Variants in ARHGEF17 observed in about 807,000 individuals in gnomAD.
ARHGEF17 encodes 164 kDa Rho-specific guanine-nucleotide exchange factor.
Under a neutral mutation model 174.0 loss-of-function variants are expected in ARHGEF17, and 80 were observed. The ratio of observed to expected loss-of-function variants is 0.46; its 90% CI spans 0.38 to 0.55. The LOEUF is 0.55. Ranked by LOEUF, ARHGEF17 falls within the 20% of genes least tolerant of loss-of-function variation. ARHGEF17 has a pLI of 0.00. For missense variants in ARHGEF17, 2,886 were observed against 2,839.7 expected (o/e 1.02, Z -0.37); for synonymous variants, 1,311 against 1,189.1 (o/e 1.10, Z -2.11).
In ARHGEF17 at chr11:73,310,832, A is replaced by G. The variant is rs760446337; in HGVS notation, c.2194A>G (p.Arg732Gly). 6.2e-7 allele frequency: 1 copy of G among 1,611,918 alleles called. No individual in the cohort carries two copies. The change falls in exon 1 of 21, where the codon AGG becomes GGG. Residue 732 changes from arginine to glycine, a missense_variant. Physicochemically the swap from Arg to Gly is moderately radical, Grantham distance 125. Transcript: ENST00000263674. ...LSNGEAGEAY[R>G]SLSDPIPQRH... ...CAATGGGGAGGCAGGGGAGGCCTAC[A>G]GGTCCCTGAGTGACCCAATTCCTCA... is the stretch of plus-strand genomic sequence containing the variant.
At position 73,310,994 on chromosome 11, in the gene ARHGEF17, T is replaced by G; in HGVS notation, c.2356T>G (p.Trp786Gly). 1 of 1,614,114 alleles carries G rather than the reference T, an allele frequency of 6.2e-7. No homozygotes were observed. The highest frequency in any genetic ancestry group is 1.3e-5 in the African/African-American group (1 of 75,026). ...DEGLTSGHSD[W>G]SVGSEESKGY... The stretch of plus-strand genomic sequence containing the variant: ...GGGCTTGACCAGTGGTCACAGTGAC[T>G]GGTCTGTGGGCAGTGAAGAGAGCAA... The change falls in exon 1 of 21, where the codon TGG becomes GGG. Residue 786 changes from tryptophan to glycine, a missense_variant. Around this residue, in one of 4 missense-constraint regions of ARHGEF17, gnomAD observed 1,728 missense variants for 1,461.2 expected, o/e 1.18. Transcript: ENST00000263674.
At position 73,308,744 on chromosome 11, in the gene ARHGEF17, C is replaced by G. The variant is rs1366671028; in HGVS notation, c.106C>G (p.Pro36Ala). Reference sequence around the variant, plus strand: ...GCTGAGGGAGGAGGACACGGACACCCCCGGCTTGAGGCGACGCGCCTCGTG... The same window carrying G: ...GCTGAGGGAGGAGGACACGGACACCGCCGGCTTGAGGCGACGCGCCTCGTG... ...PGLREEDTDT[P>A]GLRRRASCRP... Residue 36 changes from proline to alanine, a missense_variant, in exon 1 of 21, where the codon CCC becomes GCC. Coordinates refer to ENST00000263674, the MANE Select transcript of ARHGEF17 (RefSeq NM_014786.4). The G allele has an allele frequency of 4.0e-6, 6 of 1,491,016 alleles. No homozygotes were observed. The African/African-American group carries it at 7.3e-5, about 18-fold the overall frequency. 92.4% of individuals were successfully genotyped at this position (1,491,016 alleles called of 1,614,324 possible).
rs1864761184 is a variant in ARHGEF17 at position 73,309,333 on chromosome 11, C to CCTA, written c.697_698insACT (p.Ser232_Ser233insTyr). ...CAGGCCGGGGCCCGGGCCTCCTGCTCCTCCTCCTCCATCGCCGCCTCCTAT... is the reference window on the plus strand; with the variant it reads ...CAGGCCGGGGCCCGGGCCTCCTGCTCCTACTCCTCCTCCATCGCCGCCTCCTAT... On this transcript the variant is annotated inframe_insertion, in exon 1 of 21. Coordinates refer to ENST00000263674, the MANE Select transcript of ARHGEF17 (RefSeq NM_014786.4). 2.5e-6 allele frequency: 4 copies of CCTA among 1,606,276 alleles called. No individual in the cohort carries two copies. The East Asian group carries it at 8.9e-5, about 36-fold the overall frequency.
In ARHGEF17 at chr11:73,364,611, G is replaced by A. The variant is rs775766041; in HGVS notation, c.5550+11G>A. On this transcript the variant is annotated intron_variant, in intron 18 of 20. Coordinates refer to ENST00000263674, the MANE Select transcript of ARHGEF17 (RefSeq NM_014786.4). ...ACGCTGCAGCTGGAGGTAGCAGGGG[G>A]TGGGGGAATGGAATTGGTGCCATGG... is the stretch of plus-strand genomic sequence containing the variant. 1.9e-6 allele frequency: 3 copies of A among 1,601,718 alleles called. No individual in the cohort carries two copies. The highest frequency in any genetic ancestry group is 2.2e-5 in the East Asian group (1 of 44,810).
At chr11:73,325,799 A>C (rs778432419) in intron 1 of ARHGEF17, among the ~76,000 whole-genome samples, 2 of 152,222 alleles carry the variant, frequency 1.3e-5, no homozygotes, top group Non-Finnish European at 2.9e-5. Context: ...GTGTCCAGCA[A>C]GGGGCGGGGC....
At chr11:73,329,340 TATATATATATATATATATATATATATA>T in intron 1 of ARHGEF17, among the ~76,000 whole-genome samples, 1 of 7,302 alleles carries the variant, frequency 1.4e-4, no homozygotes, top group South Asian at 2.6e-3. Flanking sequence ...TATATATATA[TATATATATATATATATATATATATATA>T]TATATATTTT....
At chr11:73,362,410 A>C (rs1452987506) in intron 13 of ARHGEF17, 23 bp from the exon 14 acceptor site, 1 of 1,522,558 alleles carries the variant, frequency 6.6e-7, no homozygotes, top group African/African-American at 1.4e-5. Context: ...AGCTGCTGTC[A>C]TCCTCACTCC....
In ARHGEF17 at chr11:73,362,466, G is replaced by A. The variant is rs965957614; in HGVS notation, c.4728G>A (p.Glu1576=). 1 of 1,588,226 alleles carries A rather than the reference G, an allele frequency of 6.3e-7. No homozygotes were observed. Among genetic ancestry groups the A allele is most frequent in the African/African-American group, 1.3e-5 (1 of 74,518 alleles). Residue 1576 remains glutamate (E), a synonymous_variant, in exon 14 of 21, where the codon GAG becomes GAA. Coordinates refer to ENST00000263674, the MANE Select transcript of ARHGEF17 (RefSeq NM_014786.4). The part of the protein sequence containing the change: ...EPPPSLRSPP[E]TAPEPAGPEL... The stretch of plus-strand genomic sequence containing the variant: ...CTCCGTCGCTGAGGAGTCCTCCAGA[G>A]ACGGCACCGGAGCCCGCCGGGCCGG...
At chr11:73,318,200 C>T (rs1031787553) in intron 1 of ARHGEF17, among the ~76,000 whole-genome samples, 2 of 152,100 alleles carry the variant, frequency 1.3e-5, no homozygotes, top group East Asian at 1.9e-4. Context: ...TGGGTCTACC[C>T]GCTACGTGCT....
Position 73,365,679 on chromosome 11 carries a change from C to G in ARHGEF17, c.5727C>G (p.Gly1909=). 6.2e-7 allele frequency: 1 copy of G among 1,612,012 alleles called. No individual in the cohort carries two copies. The highest frequency in any genetic ancestry group is 8.5e-7 in the Non-Finnish European group (1 of 1,178,702). The change falls in exon 20 of 21, where the codon GGC becomes GGG. Residue 1909 remains glycine, a splice_region_variant and synonymous_variant. Transcript: ENST00000263674. The surrounding 1 kb of genome is among the most constrained non-coding windows in gnomAD (Gnocchi z 4.9). The part of the protein sequence containing the change: ...VTPPVHRMLA[G]SDAIIRQHKA... ...GCTGTGGTCTGTCTCCCACCCCAGG[C>G]TCGGATGCCATCATCCGGCAGCACA...
intron 1 of ARHGEF17, among the ~76,000 whole-genome samples, chr11:73,333,967 A>G (rs565900499): frequency 6.6e-6 from 1 of 152,360 alleles, no homozygotes; most frequent in East Asian, 1.9e-4. Flanking sequence ...CATTAATTAC[A>G]CTGATACTTG....
intron 1 of ARHGEF17, among the ~76,000 whole-genome samples, chr11:73,337,296 A>G (rs538670112): frequency 6.6e-6 from 1 of 151,460 alleles, no homozygotes; most frequent in East Asian, 2.0e-4. Flanking sequence ...TACCCCCACC[A>G]CTCAGGATGC....
At chr11:73,312,055 A>G (rs1445212048) in intron 1 of ARHGEF17, among the ~76,000 whole-genome samples, 1 of 152,154 alleles carries the variant, frequency 6.6e-6, no homozygotes. Context: ...GCTAATGGCA[A>G]AGGGTCTTGT....
rs1218518913 is a variant in ARHGEF17 at position 73,329,365 on chromosome 11, A to G, written c.3193-17518A>G. Among the ~76,000 whole-genome samples, 22 of 2,236 alleles carry G rather than the reference A, an allele frequency of 9.8e-3. 1 individual carries two copies. The highest frequency in any genetic ancestry group is 0.028 in the African/African-American group (22 of 782). The allele number at this position is 2,236 out of a possible 152,430, so 1.5% of individuals were successfully genotyped here. On this transcript the variant is annotated intron_variant, in intron 1 of 20. Coordinates refer to ENST00000263674, the MANE Select transcript of ARHGEF17 (RefSeq NM_014786.4). Reference sequence around the variant, plus strand: ...TATATATATATATATATATATATATATATATATATTTTTTTTTTTTTTTTG... The same window carrying G: ...TATATATATATATATATATATATATGTATATATATTTTTTTTTTTTTTTTG...
rs551457649 is a variant in ARHGEF17 at position 73,341,431 on chromosome 11, C to T, written c.3193-5452C>T. ...AAGCTATTCTCCTGCCTCAGCCTCC[C>T]GAGTAGCTGGGATTACAGGCATGCG... On this transcript the variant is annotated intron_variant, in intron 1 of 20. Coordinates refer to ENST00000263674, the MANE Select transcript of ARHGEF17 (RefSeq NM_014786.4). Among the ~76,000 whole-genome samples, 8 of 152,208 alleles carry T rather than the reference C, an allele frequency of 5.3e-5. No individual in the cohort carries two copies. The East Asian group carries it at 1.2e-3, about 22-fold the overall frequency.
intron 9 of ARHGEF17, among the ~76,000 whole-genome samples, chr11:73,358,005 A>G (rs1296891815): frequency 6.6e-6 from 1 of 152,172 alleles, no homozygotes; most frequent in African/African-American, 2.4e-5. Flanking sequence ...CCCACTATGT[A>G]GGAATACCAG....
At chr11:73,343,331 C>A in intron 1 of ARHGEF17, 2 of 395,002 alleles carry the variant, frequency 5.1e-6, no homozygotes, top group Non-Finnish European at 8.9e-6. Context: ...TAGAACTCAG[C>A]CGACCCAGGA....
chr11:73,335,888 G>T (rs1865279475), intron 1 of ARHGEF17, among the ~76,000 whole-genome samples: 1 of 152,198 alleles, frequency 6.6e-6, no homozygotes, highest in African/African-American at 2.4e-5. Flanking sequence ...GAGGAATTTG[G>T]CTAAAGTTGC....
At chr11:73,324,550 C>T (rs1193709942) in intron 1 of ARHGEF17, among the ~76,000 whole-genome samples, 1 of 152,184 alleles carries the variant, frequency 6.6e-6, no homozygotes, top group East Asian at 1.9e-4. Context: ...GGGAAGCAGA[C>T]ACAGGCCCAG....
Sources: gnomAD v4.1 joint callset for allele counts (sites outside exome capture counted in the v4.1 genomes callset) on GRCh38, gnomAD v4.1.1 for gene constraint, gnomAD v4.1.1 regional missense constraint, Gnocchi (gnomAD v3.1) non-coding constraint, MANE v1.5 for transcripts, NCBI Gene and HGNC (gene_info 2026-07-23, HGNC 2026-07-21) for gene names.